Variants in CNTN6 observed in about 807,000 individuals in gnomAD.
The protein encoded by CNTN6 is contactin 6.
In CNTN6, 137 loss-of-function variants were observed where a neutral mutation model predicts 122.8. The ratio of observed to expected loss-of-function variants is 1.12; its 90% CI spans 0.97 to 1.29. The LOEUF is 1.29. CNTN6 is among the 50% of genes most tolerant of loss of function. CNTN6 has a pLI of 0.00. For synonymous variants in CNTN6, 570 were observed against 426.0 expected (o/e 1.34, Z -4.16); for missense variants, 1,634 against 1,223.4 (o/e 1.34, Z -5.01).
chr3:1,375,772 A>T (rs1235249653), intron 16 of CNTN6, among the ~76,000 whole-genome samples: 2 of 152,112 alleles, frequency 1.3e-5, no homozygotes, highest in Non-Finnish European at 2.9e-5. Flanking sequence ...TAAAGCTGAC[A>T]AAGTTAAGGG....
chr3:1,295,501 C>G (rs184329570), intron 5 of CNTN6, 100 bp from the exon 6 acceptor site: 3 of 945,806 alleles, frequency 3.2e-6, no homozygotes, highest in Non-Finnish European at 4.8e-6. Context: ...ACAATTTTCT[C>G]CTAATTATGG....
chr3:1,260,276 G>T (rs2125703924), intron 4 of CNTN6, among the ~76,000 whole-genome samples: 1 of 152,240 alleles, frequency 6.6e-6, no homozygotes, highest in South Asian at 2.1e-4. Flanking sequence ...TCAATTGCCT[G>T]TGTGCCTGTG....
intron 12 of CNTN6, among the ~76,000 whole-genome samples, chr3:1,367,762 T>G (rs1160711872): frequency 2.0e-5 from 3 of 152,048 alleles, no homozygotes; most frequent in African/African-American, 7.2e-5. Context: ...CCTGAGGGCA[T>G]GGGCACATCA....
intron 7 of CNTN6, among the ~76,000 whole-genome samples, chr3:1,305,151 T>A (rs527557499): frequency 1.3e-5 from 2 of 152,304 alleles, no homozygotes; most frequent in South Asian, 4.1e-4. Context: ...AAAAGTCTGG[T>A]ATACCTGATT....
chr3:1,390,624 G>C (rs1302712938), intron 20 of CNTN6, among the ~76,000 whole-genome samples: 1 of 152,044 alleles, frequency 6.6e-6, no homozygotes, highest in East Asian at 1.9e-4. Context: ...TCCAGGAGCT[G>C]GTTTTTTGAA....
chr3:1,200,032 CAT>C (rs920892882), intron 2 of CNTN6, among the ~76,000 whole-genome samples: 32 of 152,116 alleles, frequency 2.1e-4, no homozygotes, highest in Non-Finnish European at 1.0e-4. Context: ...TGTTTTTAGA[CAT>C]ATATATATGT....
At chr3:1,294,234 G>A (rs73816278) in intron 5 of CNTN6, among the ~76,000 whole-genome samples, 9,739 of 151,944 alleles carry the variant, frequency 0.064, 1,062 homozygotes, top group African/African-American at 0.22. Context: ...ATCAAATTAT[G>A]GTATATTCAT....
At chr3:1,155,805 C>G (rs2092949479) in intron 2 of CNTN6, among the ~76,000 whole-genome samples, 1 of 152,180 alleles carries the variant, frequency 6.6e-6, no homozygotes, top group Non-Finnish European at 1.5e-5. Flanking sequence ...CCCCCCAAGA[C>G]ATTTGTACCA....
At chr3:1,200,966 G>A (rs11705768) in intron 2 of CNTN6, among the ~76,000 whole-genome samples, 11,923 of 135,704 alleles carry the variant, frequency 0.088, 1,231 homozygotes, top group East Asian at 0.46. Context: ...TGATTTTATC[G>A]CCCAGGCTGG....
intron 4 of CNTN6, among the ~76,000 whole-genome samples, chr3:1,239,254 G>C (rs2094454592): frequency 6.6e-6 from 1 of 152,116 alleles, no homozygotes; most frequent in Non-Finnish European, 1.5e-5. Context: ...CGTTACGATT[G>C]TATACCTAAA....
chr3:1,251,884 T>A (rs2094676795), intron 4 of CNTN6, among the ~76,000 whole-genome samples: 1 of 152,176 alleles, frequency 6.6e-6, no homozygotes. Flanking sequence ...CTGATTCAGG[T>A]CTGACTCATT....
chr3:1,276,243 T>C (rs908872247), intron 4 of CNTN6, among the ~76,000 whole-genome samples: 1 of 152,188 alleles, frequency 6.6e-6, no homozygotes, highest in Non-Finnish European at 1.5e-5. Context: ...AGGATGCTTA[T>C]ATTAGTTTTT....
chr3:1,100,451 T>G (rs2090825533), intron 1 of CNTN6, among the ~76,000 whole-genome samples: 1 of 152,188 alleles, frequency 6.6e-6, no homozygotes, highest in African/African-American at 2.4e-5. Flanking sequence ...TCTTTGTCAT[T>G]GATTTCTTCA....
At chr3:1,354,581 G>A (rs992078809) in intron 12 of CNTN6, among the ~76,000 whole-genome samples, 1 of 151,012 alleles carries the variant, frequency 6.6e-6, no homozygotes, top group Admixed American at 6.6e-5. Flanking sequence ...TTCCCTTCTA[G>A]AACAGAAGCA....
At chr3:1,366,642 T>C (rs1708259668) in intron 12 of CNTN6, among the ~76,000 whole-genome samples, 1 of 152,206 alleles carries the variant, frequency 6.6e-6, no homozygotes, top group East Asian at 1.9e-4. Context: ...AGTGTGATTT[T>C]TGTCTCTGTG....
chr3:1,224,677 G>GCA (rs370024875), intron 3 of CNTN6, among the ~76,000 whole-genome samples: 7 of 151,304 alleles, frequency 4.6e-5, no homozygotes, highest in Middle Eastern at 3.4e-3. Flanking sequence ...GCGCACACAT[G>GCA]CACACACACA....
At chr3:1,142,868 A>G (rs1396973795) in intron 1 of CNTN6, among the ~76,000 whole-genome samples, 1 of 151,566 alleles carries the variant, frequency 6.6e-6, no homozygotes, top group Non-Finnish European at 1.5e-5. Flanking sequence ...ATATTTATAA[A>G]TTTGTGTGTA....
At chr3:1,364,249 A>T (rs1187497117) in intron 12 of CNTN6, among the ~76,000 whole-genome samples, 1 of 151,984 alleles carries the variant, frequency 6.6e-6, no homozygotes, top group Non-Finnish European at 1.5e-5. Flanking sequence ...AACTAGCAAG[A>T]GAAAATATGA....
chr3:1,280,459 A>ATTTTTTTTTTTTTTTTTTTTTTTTTT lies in CNTN6; in HGVS notation c.454+1974_454+1975insTTTTTTTTTTTTTTTTTTTTTTTTTT, dbSNP rs71619483. Among the ~76,000 whole-genome samples the ATTTTTTTTTTTTTTTTTTTTTTTTTT allele has an allele frequency of 1.1e-3, 73 of 66,610 alleles. 18 individuals are homozygous for ATTTTTTTTTTTTTTTTTTTTTTTTTT. The highest frequency in any genetic ancestry group is 1.8e-3 in the South Asian group (3 of 1,692). 43.7% of individuals were successfully genotyped at this position (66,610 alleles called of 152,430 possible). On this transcript the variant is annotated intron_variant, in intron 5 of 22. Transcript: ENST00000446702. ...GTAATGGCAAACTTGTGTAATACCA[A>ATTTTTTTTTTTTTTTTTTTTTTTTTT]TTTTTTTTTTTTTTTTTTTTTTTGT...
Sources: allele counts gnomAD v4.1 joint callset (sites outside exome capture counted in the v4.1 genomes callset), GRCh38; gene constraint gnomAD v4.1.1; transcripts MANE v1.5; gene names NCBI Gene and HGNC (gene_info 2026-07-23, HGNC 2026-07-21).